Variants in CDH13 observed in about 807,000 individuals in gnomAD.
The protein encoded by CDH13 is cadherin 13.
In CDH13, 24 loss-of-function variants were observed where a neutral mutation model predicts 63.8. The ratio of observed to expected loss-of-function variants is 0.38; its 90% confidence interval spans 0.27 to 0.53. The LOEUF is 0.53. CDH13 is among the 20% of genes least tolerant of loss of function. CDH13 has a pLI of 0.85. For missense variants in CDH13, 1,049 were observed against 903.1 expected (o/e 1.16, Z -2.07); for synonymous variants, 503 against 355.3 (o/e 1.42, Z -4.67).
In CDH13 at chr16:83,151,707, G is replaced by A. The variant is rs147453139; in HGVS notation, c.483+26206G>A. 3.5e-3 allele frequency among the ~76,000 whole-genome samples: 532 copies of A among 152,348 alleles called. 5 individuals carry two copies. The highest frequency in any genetic ancestry group is 0.011 in the African/African-American group (445 of 41,590). ...AGGCCAGGCACAGTGGTTCACGCCT[G>A]TAATCCCAGCACTTTCTGAGGCAGA... On this transcript the variant is annotated intron_variant, in intron 4 of 13. Coordinates refer to ENST00000567109, the MANE Select transcript of CDH13 (RefSeq NM_001257.5).
At chr16:83,049,265 C>T (rs1415269782) in intron 3 of CDH13, among the ~76,000 whole-genome samples, 1 of 151,432 alleles carries the variant, frequency 6.6e-6, no homozygotes, top group Non-Finnish European at 1.5e-5. Context: ...TTATGTATCA[C>T]CTATTTTTAT....
chr16:83,083,446 G>C (rs1468521882), intron 3 of CDH13, among the ~76,000 whole-genome samples: 1 of 152,178 alleles, frequency 6.6e-6, no homozygotes, highest in Non-Finnish European at 1.5e-5. Context: ...ACATTTGCTG[G>C]AGGTGGAACA....
chr16:82,640,687 G>C (rs1421127605), intron 1 of CDH13, among the ~76,000 whole-genome samples: 1 of 152,104 alleles, frequency 6.6e-6, no homozygotes, highest in African/African-American at 2.4e-5. Flanking sequence ...GCCAGCGAGG[G>C]GAACCAGGCA....
intron 2 of CDH13, among the ~76,000 whole-genome samples, chr16:82,950,865 G>C (rs1905222914): frequency 6.7e-6 from 1 of 149,996 alleles, no homozygotes; most frequent in Non-Finnish European, 1.5e-5. Context: ...ACAGCAGTGA[G>C]AGAGTTGTAT....
At chr16:82,933,354 C>T (rs1369241680) in intron 2 of CDH13, among the ~76,000 whole-genome samples, 1 of 152,098 alleles carries the variant, frequency 6.6e-6, no homozygotes, top group Non-Finnish European at 1.5e-5. Flanking sequence ...TGGGAGAACT[C>T]ATTCACTATC....
intron 7 of CDH13, among the ~76,000 whole-genome samples, chr16:83,526,530 T>C (rs1184466365): frequency 6.6e-6 from 1 of 152,202 alleles, no homozygotes; most frequent in East Asian, 1.9e-4. Flanking sequence ...GTACTGCCAT[T>C]GCTGATCTGA....
intron 1 of CDH13, among the ~76,000 whole-genome samples, chr16:82,762,490 C>G (rs2034891452): frequency 6.6e-6 from 1 of 152,136 alleles, no homozygotes; most frequent in African/African-American, 2.4e-5. Flanking sequence ...ATTTAATAAA[C>G]CCCTAAGTCA....
chr16:82,671,883 C>G (rs1913287888), intron 1 of CDH13, among the ~76,000 whole-genome samples: 1 of 152,272 alleles, frequency 6.6e-6, no homozygotes, highest in South Asian at 2.1e-4. Context: ...AGTTGCGCAC[C>G]TGAGAAGTGC....
chr16:83,416,129 A>G (rs192953141), intron 6 of CDH13, among the ~76,000 whole-genome samples: 226 of 152,360 alleles, frequency 1.5e-3, no homozygotes, highest in Middle Eastern at 0.01. Context: ...AAGGAAATCA[A>G]GAAAACAATC....
intron 5 of CDH13, among the ~76,000 whole-genome samples, chr16:83,333,060 C>A (rs546864755): frequency 6.6e-6 from 1 of 152,096 alleles, no homozygotes; most frequent in East Asian, 1.9e-4. Flanking sequence ...CCCCTTTGAT[C>A]GTTTTTATAA....
At chr16:83,128,946 T>A (rs11648346) in intron 4 of CDH13, among the ~76,000 whole-genome samples, 75,971 of 152,158 alleles carry the variant, frequency 0.5, 21,051 homozygotes, top group Non-Finnish European at 0.61. Flanking sequence ...AACCTCTAGA[T>A]GTTTTTTGTA....
intron 10 of CDH13, chr16:83,739,970 C>T (rs528543594): frequency 2.6e-5 from 4 of 152,358 alleles, no homozygotes; most frequent in Admixed American, 6.5e-5. Flanking sequence ...GAGAGACCAT[C>T]CAGAGTGGCT....
intron 3 of CDH13, among the ~76,000 whole-genome samples, chr16:83,054,937 G>A (rs1200033662): frequency 6.6e-6 from 1 of 151,958 alleles, no homozygotes; most frequent in African/African-American, 2.4e-5. Flanking sequence ...ATTGTAGGCT[G>A]GTCATAGAGT....
intron 5 of CDH13, among the ~76,000 whole-genome samples, chr16:83,336,098 C>A (rs751556489): frequency 6.6e-6 from 1 of 151,816 alleles, no homozygotes; most frequent in Non-Finnish European, 1.5e-5. Context: ...GTCAGGAGTT[C>A]GAGACCCGCC....
At chr16:83,014,743 A>AAATATATAT (rs1429094653) in intron 2 of CDH13, among the ~76,000 whole-genome samples, 5 of 33,232 alleles carry the variant, frequency 1.5e-4, no homozygotes, top group Non-Finnish European at 2.7e-4. Flanking sequence ...AAAAAAAAAA[A>AAATATATAT]ATATATATAT....
intron 3 of CDH13, among the ~76,000 whole-genome samples, chr16:83,052,710 G>A (rs955779754): frequency 6.6e-5 from 9 of 135,654 alleles, no homozygotes; most frequent in Admixed American, 8.5e-5. Context: ...CCAGAAGACA[G>A]AGACTGCAGT....
chr16:83,038,005 C>G (rs955348069), intron 3 of CDH13, among the ~76,000 whole-genome samples: 8 of 151,894 alleles, frequency 5.3e-5, no homozygotes, highest in African/African-American at 1.9e-4. Flanking sequence ...GAGACAGAAG[C>G]CAGAGATGGG....
intron 6 of CDH13, among the ~76,000 whole-genome samples, chr16:83,443,745 T>C (rs866091865): frequency 8.9e-6 from 1 of 112,432 alleles, no homozygotes; most frequent in Non-Finnish European, 1.7e-5. Context: ...AATATATATA[T>C]ATATATATAT....
In CDH13 at chr16:83,607,439, T is replaced by C. The variant is rs556337321; in HGVS notation, c.1101+4845T>C. On this transcript the variant is annotated intron_variant, in intron 8 of 13. Transcript: ENST00000567109. Reference sequence around the variant, plus strand: ...GTCTCAAAAAAAAAAGAAAAACATGTAAGCTCAATTCTTTAGTCCTCTCGT... The same window carrying C: ...GTCTCAAAAAAAAAAGAAAAACATGCAAGCTCAATTCTTTAGTCCTCTCGT... Among the ~76,000 whole-genome samples the C allele has an allele frequency of 3.3e-5, 5 of 152,202 alleles. No individual in the cohort carries two copies. The South Asian group carries it at 1.0e-3, about 32-fold the overall frequency.
Sources: allele counts gnomAD v4.1 joint callset (sites outside exome capture counted in the v4.1 genomes callset), GRCh38; gene constraint gnomAD v4.1.1; transcripts MANE v1.5; gene names NCBI Gene and HGNC (gene_info 2026-07-23, HGNC 2026-07-21).